The following DHRSX variants were observed in gnomAD, a reference collection of about 807,000 sequenced individuals.
The protein encoded by DHRSX is dehydrogenase/reductase X-linked.
In DHRSX, 31 loss-of-function variants were observed where a neutral mutation model predicts 34.0. That is an observed-to-expected ratio of 0.91 (90% CI 0.69 to 1.23). DHRSX has a LOEUF of 1.23. Ranked by LOEUF, DHRSX falls within the 50% of genes most tolerant of loss-of-function variation. The pLI, the probability that DHRSX is intolerant of heterozygous loss-of-function variation, is 0.00. For missense variants in DHRSX, 414 were observed against 428.1 expected (o/e 0.97, Z 0.29); for synonymous variants, 201 against 183.8 (o/e 1.09, Z -0.76).
At chrX:2,290,216 C>T (rs991048115) in intron 4 of DHRSX, among the ~76,000 whole-genome samples, 35 of 151,952 alleles carry the variant, frequency 2.3e-4, no homozygotes, top group Non-Finnish European at 4.7e-4. Context: ...GAGGGGGAAC[C>T]GTGGGTATCT....
intron 3 of DHRSX, among the ~76,000 whole-genome samples, chrX:2,371,870 C>G (rs186720928): frequency 0.021 from 3,150 of 152,250 alleles, 118 homozygotes; most frequent in African/African-American, 0.071. Flanking sequence ...ATGGGACATC[C>G]CTGAAAGGTG....
intron 5 of DHRSX, among the ~76,000 whole-genome samples, chrX:2,246,386 G>A (rs2016282335): frequency 6.6e-6 from 1 of 152,086 alleles, no homozygotes; most frequent in Admixed American, 6.6e-5. Context: ...CGCTTTGGGA[G>A]GCTGAGGTGG....
At chrX:2,223,502 C>A (rs150022393) in intron 6 of DHRSX, among the ~76,000 whole-genome samples, 1 of 152,012 alleles carries the variant, frequency 6.6e-6, no homozygotes, top group Non-Finnish European at 1.5e-5. Context: ...CGGATGCAGG[C>A]GCCATGGCTT....
intron 4 of DHRSX, among the ~76,000 whole-genome samples, chrX:2,276,555 G>C (rs1470808011): frequency 6.6e-6 from 1 of 152,122 alleles, no homozygotes; most frequent in African/African-American, 2.4e-5. Flanking sequence ...TCGTTCATTG[G>C]TCTGTGCACC....
At chrX:2,310,521 G>A (rs1346665228) in intron 3 of DHRSX, among the ~76,000 whole-genome samples, 1 of 150,394 alleles carries the variant, frequency 6.6e-6, no homozygotes, top group Non-Finnish European at 1.5e-5. Flanking sequence ...GCTGCAGCGA[G>A]ATTATTCTGT....
At chrX:2,490,294 G>A (rs774050896) in intron 1 of DHRSX, 2 of 1,613,474 alleles carry the variant, frequency 1.2e-6, no homozygotes, top group Admixed American at 1.7e-5. Flanking sequence ...CGTCCACGAT[G>A]GAGGCTGGGT....
intron 1 of DHRSX, among the ~76,000 whole-genome samples, chrX:2,459,611 A>G (rs968454119): frequency 4.0e-5 from 6 of 150,578 alleles, no homozygotes; most frequent in African/African-American, 1.5e-4. Flanking sequence ...ATACACACAC[A>G]CACAATTATT....
chrX:2,494,626 T>A (rs1218671149), intron 1 of DHRSX, among the ~76,000 whole-genome samples: 3 of 151,916 alleles, frequency 2.0e-5, no homozygotes, highest in Non-Finnish European at 4.4e-5. Context: ...TTATGTTCTA[T>A]TATTATCATT....
intron 4 of DHRSX, among the ~76,000 whole-genome samples, chrX:2,276,511 C>T (rs2041652579): frequency 6.6e-6 from 1 of 152,110 alleles, no homozygotes; most frequent in Non-Finnish European, 1.5e-5. Flanking sequence ...CATTGATCTG[C>T]CAATTCAAAG....
At chrX:2,268,860 A>G (rs958349015) in intron 4 of DHRSX, among the ~76,000 whole-genome samples, 1 of 152,244 alleles carries the variant, frequency 6.6e-6, no homozygotes, top group Non-Finnish European at 1.5e-5. Flanking sequence ...TATTGCACGC[A>G]TGAATATGCA....
At chrX:2,305,453 C>A (rs2042087455) in intron 3 of DHRSX, among the ~76,000 whole-genome samples, 1 of 152,028 alleles carries the variant, frequency 6.6e-6, no homozygotes, top group Non-Finnish European at 1.5e-5. Context: ...GGATCTAGAA[C>A]CAGAAATACC....
At chrX:2,362,062 CAA>C (rs2042940145) in intron 3 of DHRSX, among the ~76,000 whole-genome samples, 1 of 152,020 alleles carries the variant, frequency 6.6e-6, no homozygotes, top group Non-Finnish European at 1.5e-5. Flanking sequence ...TTTTCAAATT[CAA>C]AGAAAAGGAA....
At position 2,345,634 on chromosome X, in the gene DHRSX, A is replaced by G. The variant is rs1050869439; in HGVS notation, c.287-54031T>C. Reference sequence around the variant, plus strand: ...GATCGCATCGTACCCCAGCCTGGGCAACAAGAGTGAAACTCTGTCTCAAAA... The same window carrying G: ...GATCGCATCGTACCCCAGCCTGGGCGACAAGAGTGAAACTCTGTCTCAAAA... On this transcript the variant is annotated intron_variant, in intron 3 of 6. Coordinates refer to ENST00000334651, the MANE Select transcript of DHRSX (RefSeq NM_145177.3). 2.1e-5 allele frequency among the ~76,000 whole-genome samples: 3 copies of G among 144,898 alleles called. No individual in the cohort carries two copies. In the Admixed American group the frequency reaches 2.1e-4, roughly 10 times the overall value.
At chrX:2,410,579 C>T (rs1410345349) in intron 2 of DHRSX, among the ~76,000 whole-genome samples, 1 of 152,342 alleles carries the variant, frequency 6.6e-6, no homozygotes, top group East Asian at 1.9e-4. Flanking sequence ...TTTACACACT[C>T]TAACACAAGG....
chrX:2,235,429 T>A (rs1232457618), intron 6 of DHRSX, among the ~76,000 whole-genome samples: 1 of 152,006 alleles, frequency 6.6e-6, no homozygotes, highest in Non-Finnish European at 1.5e-5. Context: ...CTTAAATTTA[T>A]AATAAATAAG....
At chrX:2,295,512 C>T (rs887800229) in intron 3 of DHRSX, among the ~76,000 whole-genome samples, 2 of 152,024 alleles carry the variant, frequency 1.3e-5, no homozygotes, top group African/African-American at 4.8e-5. Context: ...CACCATGGCA[C>T]GTGTATACCT....
chrX:2,266,320 T>C (rs1208138971), intron 5 of DHRSX, among the ~76,000 whole-genome samples: 4 of 104,468 alleles, frequency 3.8e-5, no homozygotes, highest in African/African-American at 8.2e-5. Context: ...GCACCAATGC[T>C]CGGCAGACAC....
chrX:2,382,233 G>A (rs879164263), intron 3 of DHRSX, among the ~76,000 whole-genome samples: 3 of 152,022 alleles, frequency 2.0e-5, no homozygotes, highest in South Asian at 2.1e-4. Flanking sequence ...CTGAGTCTTC[G>A]GATATTAGGG....
intron 5 of DHRSX, among the ~76,000 whole-genome samples, chrX:2,265,196 G>A (rs1189586654): frequency 4.6e-5 from 5 of 108,720 alleles, no homozygotes; most frequent in Admixed American, 8.9e-5. Context: ...CAGAGCACCA[G>A]TGCTCAGCAG....
Sources: allele counts gnomAD v4.1 joint callset (sites outside exome capture counted in the v4.1 genomes callset), GRCh38; gene constraint gnomAD v4.1.1; transcripts MANE v1.5; gene names NCBI Gene and HGNC (gene_info 2026-07-23, HGNC 2026-07-21).